Variants in KDM2B observed in about 807,000 individuals in gnomAD.
KDM2B encodes lysine-specific demethylase 2B.
KDM2B carries 26 observed loss-of-function variants against 150.0 expected under a neutral mutation model. That is an observed-to-expected ratio of 0.17 (90% CI 0.13 to 0.24). The LOEUF (loss-of-function observed/expected upper bound fraction) is 0.24, where lower values mean the gene tolerates loss of function less well. KDM2B is among the 10% of genes least tolerant of loss of function. KDM2B has a pLI of 1.00. For missense variants in KDM2B, 1,265 were observed against 1,816.9 expected, an observed-to-expected ratio of 0.70 and a Z score of 5.52; for synonymous variants, 734 against 729.5, an observed-to-expected ratio of 1.01 and a Z score of -0.10.
intron 22 of KDM2B, among the ~76,000 whole-genome samples, chr12:121,431,744 G>GGA (rs1873060811): frequency 1.3e-5 from 2 of 152,222 alleles, no homozygotes; most frequent in African/African-American, 4.8e-5. Flanking sequence ...TCGTGAACCT[G>GGA]GAGCAGTGGT....
At chr12:121,497,269 C>G (rs782747770) in intron 11 of KDM2B, among the ~76,000 whole-genome samples, 8 of 152,154 alleles carry the variant, frequency 5.3e-5, no homozygotes, top group Non-Finnish European at 2.9e-5. Flanking sequence ...AATGACTAAC[C>G]TAGAGTAAGC....
chr12:121,512,233 G>A (rs1211315069), intron 10 of KDM2B, among the ~76,000 whole-genome samples: 2 of 152,072 alleles, frequency 1.3e-5, no homozygotes, highest in Admixed American at 1.3e-4. Flanking sequence ...GTAGGGTTTC[G>A]GGACTTTCCA....
At chr12:121,510,928 T>C (rs1885529982) in intron 10 of KDM2B, among the ~76,000 whole-genome samples, 3 of 151,622 alleles carry the variant, frequency 2.0e-5, no homozygotes, top group Admixed American at 2.0e-4. Context: ...AGTAGATGAG[T>C]AGTTGCCTAG....
chr12:121,475,737 A>AT (rs1261799961), intron 12 of KDM2B, among the ~76,000 whole-genome samples: 47 of 148,666 alleles, frequency 3.2e-4, no homozygotes, highest in African/African-American at 1.0e-3. Context: ...ATAAAAAAAA[A>AT]TTTTTTTTAG....
At chr12:121,556,406 T>C (rs1237650349) in intron 4 of KDM2B, among the ~76,000 whole-genome samples, 2 of 152,126 alleles carry the variant, frequency 1.3e-5, no homozygotes, top group African/African-American at 4.8e-5. Context: ...CTCCTCTCTC[T>C]CTTGCTCCCT....
intron 8 of KDM2B, among the ~76,000 whole-genome samples, chr12:121,531,991 G>A (rs1458965445): frequency 2.0e-5 from 3 of 151,894 alleles, no homozygotes; most frequent in Admixed American, 6.6e-5. Context: ...TACTTGGGAG[G>A]CTGAGACTTG....
At chr12:121,446,260 T>A (rs529578398) in intron 13 of KDM2B, among the ~76,000 whole-genome samples, 4 of 151,898 alleles carry the variant, frequency 2.6e-5, no homozygotes, top group Non-Finnish European at 4.4e-5. Flanking sequence ...TAGCCGGGCG[T>A]GGTGGCGGGC....
chr12:121,532,994 C>G, intron 7 of KDM2B, 35 bp from the exon 8 acceptor site: 2 of 1,612,120 alleles, frequency 1.2e-6, no homozygotes, highest in Non-Finnish European at 1.7e-6. Context: ...GCTGGAGACC[C>G]AGGCCCAGAC....
chr12:121,532,186 A>G (rs555346059), intron 8 of KDM2B, among the ~76,000 whole-genome samples: 1 of 152,154 alleles, frequency 6.6e-6, no homozygotes, highest in South Asian at 2.1e-4. Context: ...CAGCAGGACT[A>G]TCACCTCTCT....
At chr12:121,559,186 T>G (rs79196021) in intron 4 of KDM2B, among the ~76,000 whole-genome samples, 1 of 152,026 alleles carries the variant, frequency 6.6e-6, no homozygotes, top group African/African-American at 2.4e-5. Flanking sequence ...GCTGAAGTCA[T>G]AGGGGGAAGC....
intron 8 of KDM2B, among the ~76,000 whole-genome samples, chr12:121,523,303 G>T (rs1314711895): frequency 3.3e-5 from 5 of 152,218 alleles, no homozygotes; most frequent in African/African-American, 1.2e-4. Context: ...GAGAAATAAG[G>T]ACAAGGGCGG....
Position 121,487,379 on chromosome 12 carries a change from G to A in KDM2B, c.1734+7200C>T, listed in dbSNP as rs1337796026. On this transcript the variant is annotated intron_variant, in intron 12 of 22. Coordinates refer to ENST00000377071, the MANE Select transcript of KDM2B (RefSeq NM_032590.5). ...TCCATAAATGACTCAGACGTCAGGA[G>A]GAACACGTTTGGGATTCCAGATCGG... Among the ~76,000 whole-genome samples the A allele has an allele frequency of 2.6e-5, 4 of 152,186 alleles. No individual in the cohort carries two copies. The East Asian group carries it at 7.7e-4, about 29-fold the overall frequency.
Position 121,537,158 on chromosome 12 carries a change from G to T in KDM2B, c.684-2568C>A, listed in dbSNP as rs1012969723. 6.6e-6 allele frequency among the ~76,000 whole-genome samples: 1 copy of T among 151,844 alleles called. No homozygotes were observed. The highest frequency in any genetic ancestry group is 1.5e-5 in the Non-Finnish European group (1 of 67,924). On this transcript the variant is annotated intron_variant, in intron 6 of 22. Transcript: ENST00000377071. The surrounding 1 kb of genome is among the most constrained non-coding windows in gnomAD (Gnocchi z 8.7). ...TGGCCGCCCCTCCCACCCCGCGATC[G>T]CAGGCATTAGGGGAGCCAGGGTGGC...
rs1555291968 is a variant in KDM2B at position 121,453,072 on chromosome 12, AC to A, written c.1959+47del. ...GCAGCGGTCAGACACGCGGGCCGGC[AC>A]GCAGGGGCCTGAATCGAGCGCAGGG... On this transcript the variant is annotated intron_variant, in intron 13 of 22. Coordinates refer to ENST00000377071, the MANE Select transcript of KDM2B (RefSeq NM_032590.5). The surrounding 1 kb of genome is among the most constrained non-coding windows in gnomAD (Gnocchi z 6.4). 2.7e-6 allele frequency: 4 copies of A among 1,488,782 alleles called. No homozygotes were observed. The highest frequency in any genetic ancestry group is 2.4e-5 in the East Asian group (1 of 42,144). The allele number at this position is 1,488,782 out of a possible 1,614,324, so 92.2% of individuals were successfully genotyped here.
Position 121,467,142 on chromosome 12 carries a change from A to AC in KDM2B, c.1735-13799dup. 1 of 1,117,144 alleles carries AC rather than the reference A, an allele frequency of 9.0e-7. No homozygotes were observed. The highest frequency in any genetic ancestry group is 1.1e-6 in the Non-Finnish European group (1 of 896,626). 69.2% of individuals were successfully genotyped at this position (1,117,144 alleles called of 1,614,324 possible). A position where few individuals can be genotyped will look rare whatever the true frequency, so the allele number is the denominator to read the frequency against. On this transcript the variant is annotated intron_variant, in intron 12 of 22. Transcript: ENST00000377071. This position sits in a 1 kb window ranked among gnomAD's most constrained non-coding sequence, Gnocchi z 5.1. ...TGCGGCGGGTCCCTCCCTCAGCCCCACCCCGGGCCGCCGACCTGGTCCGGC... is the reference window on the plus strand; with the variant it reads ...TGCGGCGGGTCCCTCCCTCAGCCCCACCCCCGGGCCGCCGACCTGGTCCGGC...
chr12:121,521,560 G>A lies in KDM2B; in HGVS notation c.932-460C>T, dbSNP rs187313090. On this transcript the variant is annotated intron_variant, in intron 8 of 22. Transcript: ENST00000377071. The surrounding 1 kb of genome is among the most constrained non-coding windows in gnomAD (Gnocchi z 4.9). ...CTGGGAACCATGACGCAGGAGTGACGTCTTGCCAGAGCTGCAGGACCCAAG... is the reference window on the plus strand; with the variant it reads ...CTGGGAACCATGACGCAGGAGTGACATCTTGCCAGAGCTGCAGGACCCAAG... 6.4e-4 allele frequency among the ~76,000 whole-genome samples: 97 copies of A among 152,272 alleles called. No homozygotes were observed. Among genetic ancestry groups the A allele is most frequent in the African/African-American group, 2.3e-3 (94 of 41,560 alleles).
chr12:121,562,587 T>C (rs975185353), intron 4 of KDM2B, among the ~76,000 whole-genome samples: 18 of 151,686 alleles, frequency 1.2e-4, no homozygotes, highest in Admixed American at 1.1e-3. Flanking sequence ...CCACAGCTCC[T>C]GACTAGCACC....
At chr12:121,563,463 C>T (rs942265056) in intron 4 of KDM2B, among the ~76,000 whole-genome samples, 4 of 147,404 alleles carry the variant, frequency 2.7e-5, no homozygotes, top group Admixed American at 1.4e-4. Flanking sequence ...AAAAATTAGC[C>T]GGGCGTGGCG....
chr12:121,522,273 T>C (rs879946372), intron 8 of KDM2B, among the ~76,000 whole-genome samples: 3 of 152,146 alleles, frequency 2.0e-5, no homozygotes, highest in Non-Finnish European at 2.9e-5. Context: ...CCCAGCACTT[T>C]GGGAGGCCGA....
Sources: gnomAD v4.1 joint callset for allele counts (sites outside exome capture counted in the v4.1 genomes callset) on GRCh38, gnomAD v4.1.1 for gene constraint, Gnocchi (gnomAD v3.1) non-coding constraint, MANE v1.5 for transcripts, NCBI Gene and HGNC (gene_info 2026-07-23, HGNC 2026-07-21) for gene names.